Variants in SMYD4 observed in about 807,000 individuals in gnomAD.
SMYD4 encodes protein-lysine N-methyltransferase SMYD4.
In SMYD4, 68 loss-of-function variants were observed where a neutral mutation model predicts 72.8. That is an observed-to-expected ratio of 0.93 (90% CI 0.77 to 1.14). The LOEUF is 1.14. SMYD4 is among the 50% of genes most tolerant of loss of function. The pLI is 0.00. For synonymous variants in SMYD4, 407 were observed against 388.6 expected (o/e 1.05, Z -0.56); for missense variants, 984 against 1,003.7 (o/e 0.98, Z 0.27).
rs1908339919 is a variant in SMYD4, at chr17:1,781,153, T to G, written c.*133A>C. 8.8e-7 allele frequency: 1 copy of G among 1,136,440 alleles called. No homozygotes were observed. Among genetic ancestry groups the G allele is most frequent in the South Asian group, 1.6e-5 (1 of 61,978 alleles). The allele number at this position is 1,136,440 out of a possible 1,614,324, so 70.4% of individuals were successfully genotyped here. ...CCAGGCTGGTCTTGAACTCCTGACA[T>G]CAGGTGATCCGCCCACCTTAGCCTC... is the stretch of plus-strand genomic sequence containing the variant. On this transcript the variant is annotated 3_prime_UTR_variant, in exon 11 of 11. Transcript: ENST00000305513.
chr17:1,784,832 C>T (rs554304565), intron 7 of SMYD4, among the ~76,000 whole-genome samples: 97 of 151,948 alleles, frequency 6.4e-4, no homozygotes, highest in African/African-American at 1.8e-3. Flanking sequence ...TGCAGTGGTG[C>T]GATCTCGGCT....
intron 2 of SMYD4, among the ~76,000 whole-genome samples, chr17:1,813,604 T>TG (rs1341372630): frequency 6.6e-6 from 1 of 151,918 alleles, no homozygotes; most frequent in Non-Finnish European, 1.5e-5. Flanking sequence ...TTAGTAGAGA[T>TG]GGGGTCTCAT....
intron 5 of SMYD4, among the ~76,000 whole-genome samples, chr17:1,791,919 C>T (rs1909052477): frequency 6.6e-6 from 1 of 151,900 alleles, no homozygotes; most frequent in Admixed American, 6.6e-5. Context: ...ATTGAAATTA[C>T]AAAAGGAATA....
intron 7 of SMYD4, among the ~76,000 whole-genome samples, chr17:1,784,743 C>A (rs749300684): frequency 6.6e-6 from 1 of 152,054 alleles, no homozygotes; most frequent in Non-Finnish European, 1.5e-5. Flanking sequence ...CCCCTCTTGT[C>A]GCTTTTTGGG....
chr17:1,812,907 G>A (rs889333604), intron 2 of SMYD4, among the ~76,000 whole-genome samples: 3 of 150,216 alleles, frequency 2.0e-5, no homozygotes, highest in Non-Finnish European at 4.4e-5. Flanking sequence ...ATAATTATTG[G>A]CCAACGAACC....
chr17:1,819,339 A>T (rs1409823647), intron 2 of SMYD4, among the ~76,000 whole-genome samples: 1 of 152,196 alleles, frequency 6.6e-6, no homozygotes, highest in East Asian at 1.9e-4. Context: ...CCTGGGAGAC[A>T]GAGAGAGACT....
chr17:1,828,352 GAA>G (rs56999254), intron 1 of SMYD4, among the ~76,000 whole-genome samples: 7 of 129,836 alleles, frequency 5.4e-5, no homozygotes, highest in Admixed American at 1.6e-4. Context: ...CTCTGTCTCG[GAA>G]AAAAAAAAAA....
In SMYD4 at chr17:1,779,719, G is replaced by C. The variant is rs1276620303; in HGVS notation, c.*1567C>G. 1 of 152,338 alleles carries C rather than the reference G, an allele frequency of 6.6e-6. No homozygotes were observed. The highest frequency in any genetic ancestry group is 1.5e-5 in the Non-Finnish European group (1 of 68,052). 9.4% of individuals were successfully genotyped at this position (152,338 alleles called of 1,614,324 possible). A position where few individuals can be genotyped will look rare whatever the true frequency, so the allele number is the denominator to read the frequency against. Reference sequence around the variant, plus strand: ...CTCCATATTTACTTCTCTGGTCACGGTTCATACTCCACGATTTTAACAAAG... The same window carrying C: ...CTCCATATTTACTTCTCTGGTCACGCTTCATACTCCACGATTTTAACAAAG... On this transcript the variant is annotated 3_prime_UTR_variant, in exon 11 of 11. Transcript: ENST00000305513.
At chr17:1,806,323 G>A (rs1198983426) in intron 3 of SMYD4, among the ~76,000 whole-genome samples, 2 of 152,006 alleles carry the variant, frequency 1.3e-5, no homozygotes, top group Admixed American at 1.3e-4. Flanking sequence ...TAATAAACTC[G>A]ACCGCCTGAA....
rs1020624331 is a variant in SMYD4, at chr17:1,781,177, T to G, written c.*109A>C. Reference sequence around the variant, plus strand: ...ATCAGGTGATCCGCCCACCTTAGCCTCCCAAAGTGCTGGGATTACAGGCGT... The same window carrying G: ...ATCAGGTGATCCGCCCACCTTAGCCGCCCAAAGTGCTGGGATTACAGGCGT... On this transcript the variant is annotated 3_prime_UTR_variant, in exon 11 of 11. Coordinates refer to ENST00000305513, the MANE Select transcript of SMYD4 (RefSeq NM_052928.3). The G allele has an allele frequency of 2.1e-6, 3 of 1,416,892 alleles. No individual in the cohort carries two copies. The highest frequency in any genetic ancestry group is 2.8e-6 in the Non-Finnish European group (3 of 1,052,714). 87.8% of individuals were successfully genotyped at this position (1,416,892 alleles called of 1,614,324 possible).
chr17:1,828,014 A>ATGAG lies in SMYD4; in HGVS notation c.-12-12_-12-9dup, dbSNP rs1044094032. The stretch of plus-strand genomic sequence containing the variant: ...ATCCATGCTGCTTTTGATCTATAAA[A>ATGAG]TGAGTAAGAAAATAGGAATCTTACA... On this transcript the variant is annotated splice_polypyrimidine_tract_variant and intron_variant, in intron 1 of 10. Coordinates refer to ENST00000305513, the MANE Select transcript of SMYD4 (RefSeq NM_052928.3). 18 of 1,594,754 alleles carry ATGAG rather than the reference A, an allele frequency of 1.1e-5. No individual in the cohort carries two copies. The African/African-American group carries it at 2.0e-4, about 18-fold the overall frequency.
intron 2 of SMYD4, 23 bp downstream of exon 2, chr17:1,827,838 T>C (rs1438578298): frequency 2.5e-6 from 4 of 1,583,134 alleles, no homozygotes; most frequent in Admixed American, 1.7e-5. Context: ...CACAATTCCC[T>C]TGTTAAAGCT....
chr17:1,821,544 T>C (rs978136572), intron 2 of SMYD4, among the ~76,000 whole-genome samples: 1 of 151,874 alleles, frequency 6.6e-6, no homozygotes, highest in Non-Finnish European at 1.5e-5. Context: ...ACAAAGTATA[T>C]ACCTGTGAGT....
intron 2 of SMYD4, among the ~76,000 whole-genome samples, chr17:1,814,132 C>G (rs575134277): frequency 2.0e-5 from 3 of 152,176 alleles, no homozygotes; most frequent in African/African-American, 4.8e-5. Flanking sequence ...TGGGAAGACC[C>G]TGTCTCTACA....
intron 2 of SMYD4, among the ~76,000 whole-genome samples, chr17:1,825,472 T>C (rs1374909019): frequency 2.0e-5 from 3 of 151,978 alleles, no homozygotes; most frequent in Non-Finnish European, 2.9e-5. Flanking sequence ...TCATGTTGTC[T>C]GGCTTCATTT....
intron 2 of SMYD4, among the ~76,000 whole-genome samples, chr17:1,818,135 C>G (rs552398088): frequency 6.6e-6 from 1 of 151,424 alleles, no homozygotes; most frequent in East Asian, 1.9e-4. Context: ...TATATGAAGG[C>G]ACAACTTCAG....
Position 1,784,419 on chromosome 17 carries a change from A to T in SMYD4, c.1927T>A (p.Ser643Thr). Residue 643 changes from serine to threonine, a missense_variant, in exon 8 of 11, where the codon TCC (serine) becomes ACC (threonine). Physicochemically the swap from Ser to Thr is moderately conservative, Grantham distance 58. Transcript: ENST00000305513. ...LRCGSRSCAE[S>T]AVSRDHLVSR... Reference sequence around the variant, plus strand: ...ACCAGGTGGTCCCTGCTGACGGCGGATTCTGCACAAGATCTGCTGCCACAG... The same window carrying T: ...ACCAGGTGGTCCCTGCTGACGGCGGTTTCTGCACAAGATCTGCTGCCACAG... The T allele has an allele frequency of 6.2e-7, 1 of 1,614,188 alleles. No homozygotes were observed. Among genetic ancestry groups the T allele is most frequent in the Non-Finnish European group, 8.5e-7 (1 of 1,180,032 alleles).
At chr17:1,810,047 A>T (rs1232178594) in intron 3 of SMYD4, among the ~76,000 whole-genome samples, 1 of 151,886 alleles carries the variant, frequency 6.6e-6, no homozygotes, top group Non-Finnish European at 1.5e-5. Flanking sequence ...CTCCTGCCTC[A>T]GCCTCCCAAA....
intron 2 of SMYD4, among the ~76,000 whole-genome samples, chr17:1,826,293 G>C (rs2151257571): frequency 6.6e-6 from 1 of 152,180 alleles, no homozygotes; most frequent in South Asian, 2.1e-4. Context: ...AGGAGTTGGA[G>C]ACCAGCCTGC....
Sources: allele counts gnomAD v4.1 joint callset (sites outside exome capture counted in the v4.1 genomes callset), GRCh38; gene constraint gnomAD v4.1.1; transcripts MANE v1.5; gene names NCBI Gene and HGNC (gene_info 2026-07-23, HGNC 2026-07-21).